UNC13B: variants seen among roughly 807,000 people sequenced by gnomAD.
UNC13B encodes protein unc-13 homolog B.
A neutral mutation model predicts 211.0 loss-of-function variants in UNC13B; 144 were observed. That is an observed-to-expected ratio of 0.68 (90% confidence interval 0.60 to 0.78). The LOEUF (loss-of-function observed/expected upper bound fraction) is 0.78, where lower values mean the gene tolerates loss of function less well. Among genes scored for constraint, UNC13B ranks in the 30% least tolerant of loss-of-function variants. The pLI is 0.00. For missense variants in UNC13B, 1,777 were observed against 2,002.0 expected (o/e 0.89, Z 2.14); for synonymous variants, 709 against 725.8 (o/e 0.98, Z 0.37).
chr9:35,316,973 C>CA (rs202143711), intron 11 of UNC13B, among the ~76,000 whole-genome samples: 1,521 of 152,016 alleles, frequency 0.01, 13 homozygotes, highest in Non-Finnish European at 0.016. Flanking sequence ...TTAGTTACAG[C>CA]AAAAAAATTT....
intron 1 of UNC13B, among the ~76,000 whole-genome samples, 175 bp downstream of exon 1, chr9:35,162,480 T>C (rs953738392): frequency 1.3e-5 from 2 of 152,196 alleles, no homozygotes; most frequent in African/African-American, 4.8e-5. Context: ...TTTCTTGTTT[T>C]CCCCCAAGCT....
intron 1 of UNC13B, among the ~76,000 whole-genome samples, chr9:35,172,369 A>G (rs1353900190): frequency 6.6e-6 from 1 of 152,180 alleles, no homozygotes; most frequent in Admixed American, 6.5e-5. Context: ...ATAGATTTTC[A>G]TTAACTGTAA....
At chr9:35,242,157 AT>A (rs1825846496) in intron 5 of UNC13B, among the ~76,000 whole-genome samples, 1 of 152,152 alleles carries the variant, frequency 6.6e-6, no homozygotes, top group African/African-American at 2.4e-5. Flanking sequence ...AGGATATACC[AT>A]TATACCATTA....
intron 11 of UNC13B, among the ~76,000 whole-genome samples, chr9:35,348,205 G>C (rs1447612214): frequency 6.6e-6 from 1 of 152,230 alleles, no homozygotes; most frequent in Non-Finnish European, 1.5e-5. Context: ...AGGGGAGTCA[G>C]CTTCATTAGT....
intron 7 of UNC13B, among the ~76,000 whole-genome samples, chr9:35,273,908 C>A (rs1386244219): frequency 6.6e-6 from 1 of 152,166 alleles, no homozygotes; most frequent in African/African-American, 2.4e-5. Context: ...GTCCAGGATA[C>A]CTTTCTTTTA....
At chr9:35,266,969 C>T (rs1421817651) in intron 7 of UNC13B, among the ~76,000 whole-genome samples, 2 of 152,110 alleles carry the variant, frequency 1.3e-5, no homozygotes, top group East Asian at 3.8e-4. Flanking sequence ...GTGTTCTGGA[C>T]AAATATTATG....
intron 6 of UNC13B, among the ~76,000 whole-genome samples, chr9:35,252,706 G>A (rs932272058): frequency 3.3e-5 from 5 of 151,996 alleles, no homozygotes; most frequent in Admixed American, 1.3e-4. Flanking sequence ...CGAGACGGGC[G>A]GATCACGAGG....
At position 35,306,024 on chromosome 9, in the gene UNC13B, C is replaced by T; in HGVS notation, c.6620C>T (p.Ala2207Val). Reference sequence around the variant, plus strand: ...GCTAGCTCAAGCATTAAGAAGGATGCCTCTCATAGTAGTTCTACTTTTAGT... The same window carrying T: ...GCTAGCTCAAGCATTAAGAAGGATGTCTCTCATAGTAGTTCTACTTTTAGT... ...STASSSIKKD[A>V]SHSSSTFSFF... Residue 2207 changes from alanine (A) to valine (V), a missense_variant, in exon 9 of 40, where the codon GCC (alanine) becomes GTC (valine). Transcript: ENST00000635942. 2 of 399,006 alleles carry T rather than the reference C, an allele frequency of 5.0e-6. No homozygotes were observed. The highest frequency in any genetic ancestry group is 3.6e-5 in the East Asian group (1 of 28,060). 24.7% of individuals were successfully genotyped at this position (399,006 alleles called of 1,614,324 possible). A position where few individuals can be genotyped will look rare whatever the true frequency, so the allele number is the denominator to read the frequency against.
intron 6 of UNC13B, among the ~76,000 whole-genome samples, chr9:35,244,481 C>A (rs1291230155): frequency 6.6e-6 from 1 of 152,160 alleles, no homozygotes; most frequent in Non-Finnish European, 1.5e-5. Context: ...GACTGGAAGT[C>A]TGAAATTAGG....
At chr9:35,348,216 G>A (rs1832490912) in intron 11 of UNC13B, among the ~76,000 whole-genome samples, 1 of 152,244 alleles carries the variant, frequency 6.6e-6, no homozygotes, top group Non-Finnish European at 1.5e-5. Flanking sequence ...CTTCATTAGT[G>A]TTCCCGACAA....
intron 8 of UNC13B, among the ~76,000 whole-genome samples, 153 bp downstream of exon 8, chr9:35,296,083 C>T (rs1032238940): frequency 1.1e-4 from 17 of 151,904 alleles, no homozygotes; most frequent in Non-Finnish European, 1.5e-5. Flanking sequence ...GATTATTAGT[C>T]TTTTTTTTCT....
chr9:35,346,128 C>T (rs975906807), intron 11 of UNC13B, among the ~76,000 whole-genome samples: 1 of 152,134 alleles, frequency 6.6e-6, no homozygotes, highest in Admixed American at 6.6e-5. Context: ...AATCCCCATA[C>T]CTGCTGTGGC....
chr9:35,182,230 C>T (rs1821975829), intron 1 of UNC13B, among the ~76,000 whole-genome samples: 1 of 152,136 alleles, frequency 6.6e-6, no homozygotes, highest in African/African-American at 2.4e-5. Context: ...AAAGTTGACT[C>T]CTCTATTGCT....
intron 7 of UNC13B, among the ~76,000 whole-genome samples, chr9:35,259,614 A>G (rs530545936): frequency 2.0e-5 from 3 of 152,130 alleles, no homozygotes; most frequent in African/African-American, 7.2e-5. Context: ...TTCTCCTGAG[A>G]TTGATTTGTC....
intron 3 of UNC13B, among the ~76,000 whole-genome samples, chr9:35,232,201 G>A (rs868017786): frequency 1.8e-3 from 12 of 6,634 alleles, no homozygotes; most frequent in Middle Eastern, 0.042. Flanking sequence ...TTTTTTTTGA[G>A]GCAGGATCTC....
chr9:35,235,113 G>A (rs896874962), intron 3 of UNC13B, among the ~76,000 whole-genome samples: 8 of 152,128 alleles, frequency 5.3e-5, no homozygotes, highest in Middle Eastern at 3.2e-3. Context: ...GATTATGTTT[G>A]AGTTAGTCCT....
chr9:35,317,964 T>A (rs1177453185), intron 11 of UNC13B, among the ~76,000 whole-genome samples: 1 of 152,154 alleles, frequency 6.6e-6, no homozygotes, highest in Non-Finnish European at 1.5e-5. Context: ...GTAATTAGCC[T>A]TATCCATGTA....
intron 7 of UNC13B, among the ~76,000 whole-genome samples, chr9:35,260,060 A>C (rs953807862): frequency 1.3e-5 from 2 of 149,928 alleles, no homozygotes; most frequent in South Asian, 4.2e-4. Context: ...AAAAAAAAAA[A>C]AAAACCAAGT....
chr9:35,328,024 C>T (rs1458089050), intron 11 of UNC13B, among the ~76,000 whole-genome samples: 6 of 152,020 alleles, frequency 3.9e-5, no homozygotes, highest in Non-Finnish European at 8.8e-5. Context: ...TTTACTTTTT[C>T]TTCTTTTCTT....
Sources: allele counts gnomAD v4.1 joint callset (sites outside exome capture counted in the v4.1 genomes callset), GRCh38; gene constraint gnomAD v4.1.1; transcripts MANE v1.5; gene names NCBI Gene and HGNC (gene_info 2026-07-23, HGNC 2026-07-21).